The following TNFSF4 variants were observed in gnomAD, a reference collection of about 807,000 sequenced individuals.
TNFSF4 encodes the protein tumor necrosis factor ligand superfamily member 4.
In TNFSF4, 4 loss-of-function variants were observed where a neutral mutation model predicts 7.3. The observed-to-expected ratio is 0.55, with a 90% CI of 0.27 to 1.25. The LOEUF is 1.25. Ranked by LOEUF, TNFSF4 falls within the 50% of genes most tolerant of loss-of-function variation. The pLI is 0.12. For missense variants in TNFSF4, 181 were observed against 208.8 expected (o/e 0.87, Z 0.82); for synonymous variants, 76 against 83.7 (o/e 0.91, Z 0.50).
chr1:173,194,291 G>T (rs546746600), intron 1 of TNFSF4, among the ~76,000 whole-genome samples: 10 of 152,254 alleles, frequency 6.6e-5, no homozygotes, highest in Non-Finnish European at 1.3e-4. Context: ...CTATGCAGCA[G>T]TTATTACACT....
At chr1:173,191,646 G>A (rs961494504) in intron 1 of TNFSF4, among the ~76,000 whole-genome samples, 3 of 152,212 alleles carry the variant, frequency 2.0e-5, no homozygotes, top group African/African-American at 7.2e-5. Context: ...ACTTGGGTAG[G>A]CAGCCTGGTA....
At chr1:173,327,036 CAA>C in the TNFSF4 span, among the ~76,000 whole-genome samples, 2 of 152,052 alleles carry the variant, frequency 1.3e-5, no homozygotes, top group African/African-American at 4.8e-5. Context: ...CATATGGAAC[CAA>C]AAAAGAGCCT....
the TNFSF4 span, among the ~76,000 whole-genome samples, chr1:173,275,099 C>G: frequency 6.6e-6 from 1 of 152,092 alleles, no homozygotes; most frequent in Non-Finnish European, 1.5e-5. Flanking sequence ...AAACAACAAG[C>G]CCAAACTGAT....
the TNFSF4 span, among the ~76,000 whole-genome samples, chr1:173,346,228 C>A: frequency 6.6e-6 from 1 of 152,146 alleles, no homozygotes; most frequent in African/African-American, 2.4e-5. Flanking sequence ...GTTGCTTGAA[C>A]ATCATCAGAA....
At chr1:173,423,309 T>A in the TNFSF4 span, among the ~76,000 whole-genome samples, 1 of 152,156 alleles carries the variant, frequency 6.6e-6, no homozygotes, top group Non-Finnish European at 1.5e-5. Flanking sequence ...AGAGTAGAAG[T>A]TGATCTTCAA....
At chr1:173,301,778 G>A in the TNFSF4 span, among the ~76,000 whole-genome samples, 1 of 151,560 alleles carries the variant, frequency 6.6e-6, no homozygotes, top group African/African-American at 2.4e-5. Flanking sequence ...TCATTTATTT[G>A]TTTACTCACT....
chr1:173,361,915 T>A, the TNFSF4 span, among the ~76,000 whole-genome samples: 1 of 152,218 alleles, frequency 6.6e-6, no homozygotes, highest in Non-Finnish European at 1.5e-5. Context: ...TAGGTAGCCA[T>A]GACAATTCAT....
the TNFSF4 span, among the ~76,000 whole-genome samples, chr1:173,368,892 G>A: frequency 2.2e-3 from 331 of 152,174 alleles, no homozygotes; most frequent in Non-Finnish European, 2.9e-3. Flanking sequence ...TGTCCCTGGC[G>A]CTCTTCTAGT....
chr1:173,294,411 T>A, the TNFSF4 span, among the ~76,000 whole-genome samples: 1 of 151,784 alleles, frequency 6.6e-6, no homozygotes, highest in Non-Finnish European at 1.5e-5. Context: ...TTAAGTACAC[T>A]CAGACACAGA....
chr1:173,219,317 C>G, the TNFSF4 span, among the ~76,000 whole-genome samples: 1 of 152,130 alleles, frequency 6.6e-6, no homozygotes, highest in African/African-American at 2.4e-5. Flanking sequence ...CCTCAAGAGA[C>G]TAGTAAGAAA....
At chr1:173,233,045 T>C in the TNFSF4 span, among the ~76,000 whole-genome samples, 1 of 152,164 alleles carries the variant, frequency 6.6e-6, no homozygotes, top group Non-Finnish European at 1.5e-5. Context: ...TAAAGGAAGA[T>C]GTTCGAACCC....
chr1:173,386,902 C>T, the TNFSF4 span, among the ~76,000 whole-genome samples: 1 of 152,224 alleles, frequency 6.6e-6, no homozygotes. Flanking sequence ...TTACTCCTCC[C>T]TTCTTTCCTA....
the TNFSF4 span, among the ~76,000 whole-genome samples, chr1:173,429,131 A>G: frequency 6.6e-6 from 1 of 152,224 alleles, no homozygotes; most frequent in South Asian, 2.1e-4. Context: ...GCTGGACAAA[A>G]AGTACATGGG....
chr1:173,205,567 A>G (rs1251894084), intron 1 of TNFSF4: 4 of 1,266,202 alleles, frequency 3.2e-6, no homozygotes, highest in Non-Finnish European at 4.0e-6. Flanking sequence ...TTATCATCCC[A>G]TGGTGTAAGG....
At chr1:173,331,916 T>C in the TNFSF4 span, among the ~76,000 whole-genome samples, 1 of 152,286 alleles carries the variant, frequency 6.6e-6, no homozygotes, top group East Asian at 1.9e-4. Flanking sequence ...TATTGGCCAA[T>C]ATCTGGAGAC....
chr1:173,179,319 C>T (rs929842645), downstream of TNFSF4, among the ~76,000 whole-genome samples: 1 of 152,186 alleles, frequency 6.6e-6, no homozygotes, highest in African/African-American at 2.4e-5. Flanking sequence ...TTGCACAGCA[C>T]CTGGCACTGT....
the TNFSF4 span, among the ~76,000 whole-genome samples, chr1:173,404,992 T>C: frequency 6.6e-6 from 1 of 152,192 alleles, no homozygotes; most frequent in Non-Finnish European, 1.5e-5. Context: ...CTATCCATTT[T>C]ACTCTGCTCT....
At chr1:173,442,545 G>GTTTTTTTTTTTTTTTTTTTTTTT in the TNFSF4 span, among the ~76,000 whole-genome samples, 18 of 93,450 alleles carry the variant, frequency 1.9e-4, 5 homozygotes, top group Non-Finnish European at 2.6e-4. Flanking sequence ...TTTCGTTTTT[G>GTTTTTTTTTTTTTTTTTTTTTTT]TTTTTGTTTT....
chr1:173,305,809 TCACTCACTATCA>T, the TNFSF4 span, among the ~76,000 whole-genome samples: 1 of 151,774 alleles, frequency 6.6e-6, no homozygotes, highest in African/African-American at 2.4e-5. Context: ...TCCTGAGAAC[TCACTCACTATCA>T]TGAGACTAGC....
Sources: allele counts gnomAD v4.1 joint callset (sites outside exome capture counted in the v4.1 genomes callset), GRCh38; gene constraint gnomAD v4.1.1; transcripts MANE v1.5; gene names NCBI Gene and HGNC (gene_info 2026-07-23, HGNC 2026-07-21).